Variants in KAT6B observed in about 807,000 individuals in gnomAD.
The protein encoded by KAT6B is histone acetyltransferase KAT6B.
In KAT6B, 10 loss-of-function variants were observed where a neutral mutation model predicts 187.5. The observed-to-expected ratio is 0.05, with a 90% CI of 0.03 to 0.09. The LOEUF (loss-of-function observed/expected upper bound fraction) is 0.09, where lower values mean the gene tolerates loss of function less well. Ranked by LOEUF, KAT6B falls within the 10% of genes least tolerant of loss-of-function variation. KAT6B has a pLI of 1.00. For synonymous variants in KAT6B, 861 were observed against 926.8 expected (o/e 0.93, Z 1.29); for missense variants, 1,952 against 2,558.9 (o/e 0.76, Z 5.12).
In KAT6B at chr10:75,020,764, A is replaced by G. The variant is rs1845338842; in HGVS notation, c.2812A>G (p.Ile938Val). Reference sequence around the variant, plus strand: ...AGCGACGGGCATGTGCCCACATGACATTGCCACCACTCTGCAGCACCTCCA... The same window carrying G: ...AGCGACGGGCATGTGCCCACATGACGTTGCCACCACTCTGCAGCACCTCCA... ...SRATGMCPHD[I>V]ATTLQHLHMI... is the part of the protein sequence containing the mutation. Residue 938 changes from isoleucine to valine, a missense_variant, in exon 14 of 18, where the codon ATT (isoleucine) becomes GTT (valine). By Grantham distance (29) the Ile-to-Val change is conservative. This residue lies in a region of KAT6B where 758 missense variants were observed against 891.4 expected (regional missense o/e 0.85). Coordinates refer to ENST00000287239, the MANE Select transcript of KAT6B (RefSeq NM_012330.4). 3 of 1,614,154 alleles carry G rather than the reference A, an allele frequency of 1.9e-6. No homozygotes were observed. Among genetic ancestry groups the G allele is most frequent in the Non-Finnish European group, 2.5e-6 (3 of 1,180,026 alleles).
chr10:74,884,650 C>T (rs1845103048), intron 3 of KAT6B, among the ~76,000 whole-genome samples: 2 of 152,060 alleles, frequency 1.3e-5, no homozygotes, highest in Admixed American at 6.5e-5. Context: ...CTCACTGCAA[C>T]ACCTGCTTCC....
At chr10:75,024,909 A>G in intron 16 of KAT6B, 49 bp from the exon 17 acceptor site, 2 of 1,572,496 alleles carry the variant, frequency 1.3e-6, no homozygotes, top group Non-Finnish European at 1.7e-6. Flanking sequence ...CGACTCAACC[A>G]TTTAATTTCT....
At chr10:74,909,841 G>T (rs777948037) in intron 3 of KAT6B, among the ~76,000 whole-genome samples, 43 of 152,060 alleles carry the variant, frequency 2.8e-4, no homozygotes, top group South Asian at 4.2e-4. Flanking sequence ...TAAGCAGAGT[G>T]CCCAGTTTCC....
intron 3 of KAT6B, among the ~76,000 whole-genome samples, chr10:74,959,035 T>TATAGATAAATAA (rs1554833114): frequency 3.5e-5 from 5 of 144,440 alleles, no homozygotes; most frequent in African/African-American, 1.3e-4. Flanking sequence ...AGACTCTGTC[T>TATAGATAAATAA]ATAAATAAAT....
intron 3 of KAT6B, among the ~76,000 whole-genome samples, chr10:74,845,753 A>G (rs1367547224): frequency 6.6e-6 from 1 of 150,732 alleles, no homozygotes; most frequent in African/African-American, 2.4e-5. Context: ...TGTTAGGAAA[A>G]GTTATGCTCC....
intron 13 of KAT6B, among the ~76,000 whole-genome samples, chr10:75,004,522 A>T (rs1258421775): frequency 6.6e-6 from 1 of 152,224 alleles, no homozygotes; most frequent in Non-Finnish European, 1.5e-5. Context: ...GGTCTAGGTG[A>T]TGAGGACATA....
At chr10:74,918,121 AAG>A (rs1191793184) in intron 3 of KAT6B, among the ~76,000 whole-genome samples, 2 of 152,200 alleles carry the variant, frequency 1.3e-5, no homozygotes, top group Non-Finnish European at 2.9e-5. Context: ...TGGAAAGAAA[AAG>A]AGAACAAATA....
chr10:75,015,585 T>C (rs892393202), intron 13 of KAT6B, among the ~76,000 whole-genome samples: 2 of 152,182 alleles, frequency 1.3e-5, no homozygotes, highest in African/African-American at 4.8e-5. Flanking sequence ...TGAATTGCCA[T>C]CTCCAAGCAT....
intron 13 of KAT6B, among the ~76,000 whole-genome samples, chr10:75,006,683 C>G (rs1479339990): frequency 6.6e-6 from 1 of 152,088 alleles, no homozygotes; most frequent in Non-Finnish European, 1.5e-5. Flanking sequence ...CTCAAGCGAT[C>G]CATCTGCCTT....
chr10:75,000,173 T>C (rs1445666137), intron 13 of KAT6B, among the ~76,000 whole-genome samples: 2 of 151,916 alleles, frequency 1.3e-5, no homozygotes, highest in Non-Finnish European at 2.9e-5. Flanking sequence ...CTCTGTCTTT[T>C]TTTTTTTTTC....
chr10:74,827,693 G>T (rs1396057254), intron 1 of KAT6B, among the ~76,000 whole-genome samples: 4 of 152,122 alleles, frequency 2.6e-5, no homozygotes, highest in African/African-American at 7.2e-5. Flanking sequence ...GGACAAGGCG[G>T]CAGGTGTGAA....
At chr10:74,853,500 C>T (rs979629660) in intron 3 of KAT6B, among the ~76,000 whole-genome samples, 2 of 151,946 alleles carry the variant, frequency 1.3e-5, no homozygotes, top group African/African-American at 4.8e-5. Flanking sequence ...CGCCACGTTG[C>T]CCAGGCTGGT....
chr10:74,896,353 G>C (rs770164950), intron 3 of KAT6B, among the ~76,000 whole-genome samples: 2 of 152,052 alleles, frequency 1.3e-5, no homozygotes, highest in Non-Finnish European at 2.9e-5. Flanking sequence ...ACAGTGGCAC[G>C]GGATCTCGGC....
chr10:74,867,499 A>G (rs1050503822), intron 3 of KAT6B, among the ~76,000 whole-genome samples: 3 of 152,192 alleles, frequency 2.0e-5, no homozygotes, highest in African/African-American at 7.2e-5. Context: ...GTGGCACTCA[A>G]AATAACTTAC....
At chr10:74,979,373 A>G (rs1339923164) in intron 10 of KAT6B, 34 bp downstream of exon 10, 5 of 1,341,678 alleles carry the variant, frequency 3.7e-6, no homozygotes, top group Non-Finnish European at 5.4e-6. Flanking sequence ...GTATAACTTG[A>G]ATGTCACATA....
intron 3 of KAT6B, among the ~76,000 whole-genome samples, chr10:74,935,681 A>G (rs919317957): frequency 6.6e-6 from 1 of 152,232 alleles, no homozygotes; most frequent in Non-Finnish European, 1.5e-5. Context: ...GAGTTTAAAC[A>G]AGGGAGGAGA....
intron 3 of KAT6B, among the ~76,000 whole-genome samples, chr10:74,919,641 G>A (rs1033660416): frequency 5.3e-5 from 8 of 152,198 alleles, no homozygotes; most frequent in South Asian, 4.2e-4. Flanking sequence ...GATCTCAGGC[G>A]ATCCGCCCAC....
intron 13 of KAT6B, among the ~76,000 whole-genome samples, chr10:75,020,012 T>C (rs1362131487): frequency 6.6e-6 from 1 of 152,220 alleles, no homozygotes; most frequent in East Asian, 1.9e-4. Context: ...TTGCAGCAGT[T>C]GACTTGAAAG....
intron 3 of KAT6B, among the ~76,000 whole-genome samples, chr10:74,951,102 CTTCT>C (rs896297074): frequency 4.0e-5 from 6 of 151,470 alleles, no homozygotes; most frequent in African/African-American, 1.2e-4. Flanking sequence ...ACTTGGCTTC[CTTCT>C]TTTTCTTTTT....
Sources: allele counts gnomAD v4.1 joint callset (sites outside exome capture counted in the v4.1 genomes callset), GRCh38; gene constraint gnomAD v4.1.1; regional missense constraint gnomAD v4.1.1; transcripts MANE v1.5; gene names NCBI Gene and HGNC (gene_info 2026-07-23, HGNC 2026-07-21).